Variants in OXR1 observed in about 807,000 individuals in gnomAD.
The protein encoded by OXR1 is oxidation resistance 1.
OXR1 carries 41 observed loss-of-function variants against 104.6 expected under a neutral mutation model. That is an observed-to-expected ratio of 0.39 (90% CI 0.31 to 0.51). The LOEUF is 0.51. OXR1 is among the 20% of genes least tolerant of loss of function. The pLI, the probability that OXR1 is intolerant of heterozygous loss-of-function variation, is 0.77. For synonymous variants in OXR1, 348 were observed against 348.4 expected, an observed-to-expected ratio of 1.00 and a Z score of 0.01; for missense variants, 955 against 1,031.9, an observed-to-expected ratio of 0.93 and a Z score of 1.02.
At chr8:106,293,529 C>T (rs909172428) in intron 1 of OXR1, among the ~76,000 whole-genome samples, 7 of 152,168 alleles carry the variant, frequency 4.6e-5, no homozygotes, top group African/African-American at 1.7e-4. Flanking sequence ...CTTTGTGGAG[C>T]AATGCCTTCT....
intron 3 of OXR1, among the ~76,000 whole-genome samples, chr8:106,669,710 T>C (rs909849347): frequency 2.0e-5 from 3 of 152,242 alleles, no homozygotes; most frequent in Non-Finnish European, 4.4e-5. Context: ...TCAGTTATTA[T>C]AGGAGTCTTT....
intron 4 of OXR1, 118 bp downstream of exon 4, chr8:106,679,410 T>C (rs1827926370): frequency 2.2e-6 from 1 of 464,868 alleles, no homozygotes; most frequent in Non-Finnish European, 3.8e-6. Context: ...TAAAAATCTG[T>C]ATTTCACTTT....
At chr8:106,496,652 A>G (rs1213006569) in intron 2 of OXR1, among the ~76,000 whole-genome samples, 1 of 152,208 alleles carries the variant, frequency 6.6e-6, no homozygotes, top group Non-Finnish European at 1.5e-5. Flanking sequence ...AGCTAGTCCC[A>G]TGGTTCCAGC....
At chr8:106,300,603 C>T (rs1051053003) in intron 1 of OXR1, among the ~76,000 whole-genome samples, 3 of 152,050 alleles carry the variant, frequency 2.0e-5, no homozygotes, top group African/African-American at 7.2e-5. Context: ...TGTTTTTCTG[C>T]TGTTCTACAA....
intron 3 of OXR1, among the ~76,000 whole-genome samples, chr8:106,655,350 G>T (rs1305871014): frequency 6.6e-6 from 1 of 151,778 alleles, no homozygotes; most frequent in Non-Finnish European, 1.5e-5. Flanking sequence ...GAAAAAGCAG[G>T]CATGGCATAT....
At chr8:106,535,516 G>T (rs1204553241) in intron 3 of OXR1, among the ~76,000 whole-genome samples, 1 of 152,146 alleles carries the variant, frequency 6.6e-6, no homozygotes, top group Admixed American at 6.5e-5. Flanking sequence ...CCTTTGAAAT[G>T]TAAACACAAA....
chr8:106,404,568 T>C (rs1159971016), intron 2 of OXR1, among the ~76,000 whole-genome samples: 2 of 152,016 alleles, frequency 1.3e-5, no homozygotes, highest in Non-Finnish European at 2.9e-5. Context: ...ACATAAAAAC[T>C]GGGAATTGGA....
In OXR1 at chr8:106,303,022, G is replaced by A. The variant is rs185921586; in HGVS notation, c.-139+32655G>A. On this transcript the variant is annotated intron_variant, in intron 1 of 16. Transcript: ENST00000517566. ...TCCGCCTTGGCCTCCCAAAGTGCTG[G>A]GATTACAGGCGTGAGCCAGCGCACC... 6.3e-3 allele frequency among the ~76,000 whole-genome samples: 963 copies of A among 151,750 alleles called. 6 individuals carry two copies. Among genetic ancestry groups the A allele is most frequent in the African/African-American group, 0.022 (898 of 41,402 alleles).
At chr8:106,473,849 C>T (rs1162065676) in intron 2 of OXR1, among the ~76,000 whole-genome samples, 2 of 148,708 alleles carry the variant, frequency 1.3e-5, no homozygotes, top group African/African-American at 5.0e-5. Flanking sequence ...TCTGTCTATT[C>T]CTCTTTTTTT....
chr8:106,615,307 C>T (rs1316363437), intron 3 of OXR1, among the ~76,000 whole-genome samples: 1 of 152,020 alleles, frequency 6.6e-6, no homozygotes, highest in Non-Finnish European at 1.5e-5. Flanking sequence ...TGGCACATGC[C>T]TGTAGTCCCA....
intron 1 of OXR1, among the ~76,000 whole-genome samples, chr8:106,311,587 G>A (rs1197957305): frequency 2.0e-5 from 3 of 152,136 alleles, no homozygotes; most frequent in African/African-American, 7.2e-5. Context: ...AGAAGACCCA[G>A]CTGCTATTGT....
chr8:106,573,903 T>C (rs971697052), intron 3 of OXR1, among the ~76,000 whole-genome samples: 4 of 130,662 alleles, frequency 3.1e-5, no homozygotes, highest in Non-Finnish European at 6.8e-5. Context: ...ATTTAATGGG[T>C]AATTTTTAAT....
intron 3 of OXR1, among the ~76,000 whole-genome samples, chr8:106,576,725 A>G (rs1034286299): frequency 1.3e-4 from 20 of 152,142 alleles, no homozygotes; most frequent in African/African-American, 4.8e-4. Context: ...TAATGATCAT[A>G]GTGACTATGA....
chr8:106,590,533 G>A (rs1242878921), intron 3 of OXR1, among the ~76,000 whole-genome samples: 6 of 152,064 alleles, frequency 3.9e-5, no homozygotes, highest in Admixed American at 1.3e-4. Context: ...TGGTCTGCCC[G>A]CCTTGGCTTC....
chr8:106,561,918 A>G (rs1415917428), intron 3 of OXR1, among the ~76,000 whole-genome samples: 1 of 152,228 alleles, frequency 6.6e-6, no homozygotes, highest in Non-Finnish European at 1.5e-5. Flanking sequence ...ACAAAAAGGA[A>G]TAGCATCAAC....
chr8:106,416,364 G>T (rs1057006352), intron 2 of OXR1, among the ~76,000 whole-genome samples: 1 of 151,952 alleles, frequency 6.6e-6, no homozygotes, highest in Non-Finnish European at 1.5e-5. Flanking sequence ...AAAATTAATT[G>T]GTTGCTAAAT....
intron 2 of OXR1, among the ~76,000 whole-genome samples, chr8:106,469,352 G>C (rs1388419705): frequency 6.6e-6 from 1 of 151,730 alleles, no homozygotes; most frequent in African/African-American, 2.4e-5. Flanking sequence ...TTTCACTGAA[G>C]AAACTCTTCA....
chr8:106,284,280 C>T (rs928368214), intron 1 of OXR1, among the ~76,000 whole-genome samples: 48 of 151,820 alleles, frequency 3.2e-4, no homozygotes, highest in Admixed American at 2.6e-3. Context: ...TTGGAGCTGG[C>T]GGCAGGAGTA....
At chr8:106,528,798 A>G (rs1813879910) in intron 3 of OXR1, among the ~76,000 whole-genome samples, 1 of 152,360 alleles carries the variant, frequency 6.6e-6, no homozygotes, top group Admixed American at 6.5e-5. Context: ...CGTTCTCTCC[A>G]AGTTAGAAGA....
Sources: allele counts gnomAD v4.1 joint callset (sites outside exome capture counted in the v4.1 genomes callset), GRCh38; gene constraint gnomAD v4.1.1; transcripts MANE v1.5; gene names NCBI Gene and HGNC (gene_info 2026-07-23, HGNC 2026-07-21).